Variants in EPCAM observed in about 807,000 individuals in gnomAD.
EPCAM encodes epithelial cell adhesion molecule, also known as adenocarcinoma-associated antigen.
Under a neutral mutation model 40.0 loss-of-function variants are expected in EPCAM, and 39 were observed. That is an observed-to-expected ratio of 0.98 (90% CI 0.76 to 1.27). The LOEUF is 1.27. Ranked by LOEUF, EPCAM falls within the 50% of genes most tolerant of loss-of-function variation. The probability of loss-of-function intolerance (pLI) is 0.00; values close to 1 mark genes in which losing one functional copy is unlikely to be tolerated. For missense variants in EPCAM, 503 were observed against 381.2 expected, an observed-to-expected ratio of 1.32 and a Z score of -2.66; for synonymous variants, 168 against 132.3, an observed-to-expected ratio of 1.27 and a Z score of -1.85.
rs764624596 is a variant in EPCAM at position 47,379,917 on chromosome 2, T to C, written c.806T>C (p.Ile269Thr). 1.9e-6 allele frequency: 3 copies of C among 1,614,154 alleles called. No homozygotes were observed. Among genetic ancestry groups the C allele is most frequent in the South Asian group, 1.1e-5 (1 of 91,078 alleles). ...FSMQGLKAGV[I>T]AVIVVVVIAV... ...ATGCAGGGTCTAAAAGCTGGTGTTA[T>C]TGCTGTTATTGTGGTTGTGGTGATA... The change falls in exon 7 of 9, where the codon ATT becomes ACT. Residue 269 changes from isoleucine (I) to threonine (T), a missense_variant. Transcript: ENST00000263735.
rs570913645 is a variant in EPCAM, at chr2:47,384,771, A to G, written c.859-395A>G. On this transcript the variant is annotated intron_variant, in intron 7 of 8. Transcript: ENST00000263735. Reference sequence around the variant, plus strand: ...GCCCAGGCTGGAGAGCAGTGATGCCATCTCCACTCACTGCAACCTCTGCCT... The same window carrying G: ...GCCCAGGCTGGAGAGCAGTGATGCCGTCTCCACTCACTGCAACCTCTGCCT... Among the ~76,000 whole-genome samples, 3 of 152,248 alleles carry G rather than the reference A, an allele frequency of 2.0e-5. No individual in the cohort carries two copies. In the South Asian group the frequency reaches 6.2e-4, roughly 32 times the overall value.
At chr2:47,371,101 T>C (rs559651399) in intron 1 of EPCAM, among the ~76,000 whole-genome samples, 1 of 152,332 alleles carries the variant, frequency 6.6e-6, no homozygotes, top group Admixed American at 6.5e-5. Context: ...CGTCTGGGCC[T>C]CCCAGAGTGC....
intron 8 of EPCAM, among the ~76,000 whole-genome samples, chr2:47,386,038 G>T (rs1671735890): frequency 6.6e-6 from 1 of 152,154 alleles, no homozygotes; most frequent in African/African-American, 2.4e-5. Context: ...TTCCTCATCT[G>T]TAAAATGAGG....
intron 3 of EPCAM, 44 bp from the exon 4 acceptor site, chr2:47,375,190 A>C (rs1426987096): frequency 7.2e-7 from 1 of 1,396,084 alleles, no homozygotes; most frequent in East Asian, 2.3e-5. Flanking sequence ...AATAGTATGG[A>C]AGACTGAGTT....
Position 47,386,702 on chromosome 2 carries a change from G to A in EPCAM, c.*89G>A, listed in dbSNP as rs1671751079. On this transcript the variant is annotated 3_prime_UTR_variant, in exon 9 of 9. Transcript: ENST00000263735. ...TGCGTGGGACGAAGACATCTTTGAAGGTCATGAGTTTGTTAGTTTAACATC... is the reference window on the plus strand; with the variant it reads ...TGCGTGGGACGAAGACATCTTTGAAAGTCATGAGTTTGTTAGTTTAACATC... The A allele has an allele frequency of 2.0e-6, 2 of 1,016,726 alleles. No individual in the cohort carries two copies. Among genetic ancestry groups the A allele is most frequent in the Non-Finnish European group, 3.1e-6 (2 of 644,226 alleles). The allele number at this position is 1,016,726 out of a possible 1,614,324, so 63.0% of individuals were successfully genotyped here. A position where few individuals can be genotyped will look rare whatever the true frequency, so the allele number is the denominator to read the frequency against.
chr2:47,380,057 T>C (rs1671548687), intron 7 of EPCAM, 88 bp downstream of exon 7: 2 of 1,544,686 alleles, frequency 1.3e-6, no homozygotes, highest in Admixed American at 2.0e-5. Context: ...TCACCACACC[T>C]GTTATCCCTA....
At position 47,374,748 on chromosome 2, in the gene EPCAM, A is replaced by G. The variant is rs565236563; in HGVS notation, c.426-486A>G. 2.6e-5 allele frequency among the ~76,000 whole-genome samples: 4 copies of G among 151,036 alleles called. No individual in the cohort carries two copies. The South Asian group carries it at 8.4e-4, about 32-fold the overall frequency. On this transcript the variant is annotated intron_variant, in intron 3 of 8. Transcript: ENST00000263735. Reference sequence around the variant, plus strand: ...AACCTCTGCCTCCCGGGTTCAAGCAACTCTCCTGCCTTAGCCTCCTGAGTA... The same window carrying G: ...AACCTCTGCCTCCCGGGTTCAAGCAGCTCTCCTGCCTTAGCCTCCTGAGTA...
intron 5 of EPCAM, 126 bp downstream of exon 5, chr2:47,377,203 G>A: frequency 4.0e-6 from 3 of 746,810 alleles, no homozygotes; most frequent in Non-Finnish European, 7.3e-6. Flanking sequence ...TCGGATCTGG[G>A]TACTTAATGT....
intron 4 of EPCAM, 39 bp from the exon 5 acceptor site, chr2:47,376,975 A>G (rs895260896): frequency 7.1e-7 from 1 of 1,405,366 alleles, no homozygotes; most frequent in Non-Finnish European, 1.0e-6. Context: ...TGTGTGGTAC[A>G]AACATTTTTT....
chr2:47,379,658 C>T, intron 6 of EPCAM, 111 bp from the exon 7 acceptor site: 1 of 1,243,174 alleles, frequency 8.0e-7, no homozygotes, highest in Non-Finnish European at 1.1e-6. Flanking sequence ...TCACTAAAAC[C>T]ATAAAGATTC....
In EPCAM at chr2:47,375,266, G is replaced by C. The variant is rs189732445; in HGVS notation, c.458G>C (p.Arg153Thr). The change falls in exon 4 of 9, where the codon AGA (arginine) becomes ACA (threonine). Residue 153 changes from arginine (R) to threonine (T), a missense_variant. By Grantham distance (71) the Arg-to-Thr change is moderately conservative. Coordinates refer to ENST00000263735, the MANE Select transcript of EPCAM (RefSeq NM_002354.3). ...ATCATTGAACTAAAACACAAAGCAA[G>C]AGAAAAACCTTATGATAGTAAAAGT... is the stretch of plus-strand genomic sequence containing the variant. ...WIIIELKHKA[R>T]EKPYDSKSLR... The C allele has an allele frequency of 2.3e-4, 371 of 1,612,484 alleles. 1 individual carries two copies. The East Asian group carries it at 5.9e-3, about 26-fold the overall frequency.
intron 4 of EPCAM, 71 bp from the exon 5 acceptor site, chr2:47,376,943 A>T (rs2103752975): frequency 9.7e-7 from 1 of 1,031,604 alleles, no homozygotes; most frequent in Non-Finnish European, 1.5e-6. Flanking sequence ...CTGTCTGCTT[A>T]AAGAGTAGTG....
chr2:47,380,999 T>C (rs1490904966), intron 7 of EPCAM, among the ~76,000 whole-genome samples: 4 of 136,536 alleles, frequency 2.9e-5, no homozygotes, highest in African/African-American at 1.1e-4. Context: ...GGCAGGAGAA[T>C]AGCTTGAACC....
At chr2:47,380,073 T>C in intron 7 of EPCAM, 104 bp downstream of exon 7, 2 of 1,529,834 alleles carry the variant, frequency 1.3e-6, no homozygotes, top group South Asian at 1.2e-5. Context: ...CCCTACACTT[T>C]GGGAGGCTGA....
intron 7 of EPCAM, chr2:47,383,390 A>G (rs186846113): frequency 0.013 from 1,917 of 149,736 alleles, 20 homozygotes; most frequent in East Asian, 0.023. Context: ...TGCAGCCTCC[A>G]CCTGCCGGGT....
chr2:47,371,882 G>C (rs1196550938), intron 1 of EPCAM, among the ~76,000 whole-genome samples: 1 of 152,156 alleles, frequency 6.6e-6, no homozygotes, highest in African/African-American at 2.4e-5. Flanking sequence ...GGGTACTTGG[G>C]ATACGAAGGA....
chr2:47,372,100 G>A (rs1432822978), intron 1 of EPCAM, among the ~76,000 whole-genome samples: 1 of 152,184 alleles, frequency 6.6e-6, no homozygotes, highest in South Asian at 2.1e-4. Context: ...AGAATGGGCT[G>A]CTTAGTATCA....
At chr2:47,380,693 A>T (rs546098494) in intron 7 of EPCAM, among the ~76,000 whole-genome samples, 1 of 152,258 alleles carries the variant, frequency 6.6e-6, no homozygotes, top group Non-Finnish European at 1.5e-5. Flanking sequence ...CCAAGTAAAG[A>T]TGAGCAAATT....
At chr2:47,378,266 T>A (rs1468922103) in intron 5 of EPCAM, among the ~76,000 whole-genome samples, 1 of 151,312 alleles carries the variant, frequency 6.6e-6, no homozygotes, top group Non-Finnish European at 1.5e-5. Context: ...GGAAAATGCA[T>A]GCTGCGTTTT....
Sources: allele counts gnomAD v4.1 joint callset (sites outside exome capture counted in the v4.1 genomes callset), GRCh38; gene constraint gnomAD v4.1.1; transcripts MANE v1.5; gene names NCBI Gene and HGNC (gene_info 2026-07-23, HGNC 2026-07-21).